SUZ12: variants seen among roughly 807,000 people sequenced by gnomAD.
SUZ12 encodes SUZ12 polycomb repressive complex 2 subunit.
In SUZ12, 17 loss-of-function variants were observed where a neutral mutation model predicts 87.3. The ratio of observed to expected loss-of-function variants is 0.19; its 90% CI spans 0.13 to 0.29. The LOEUF is 0.29. Ranked by LOEUF, SUZ12 falls within the 10% of genes least tolerant of loss-of-function variation. SUZ12 has a pLI of 1.00. For synonymous variants in SUZ12, 253 were observed against 312.4 expected, an observed-to-expected ratio of 0.81 and a Z score of 2.01; for missense variants, 526 against 912.2, an observed-to-expected ratio of 0.58 and a Z score of 5.45.
At chr17:31,942,764 G>A (rs1447512172) in intron 3 of SUZ12, among the ~76,000 whole-genome samples, 1 of 152,142 alleles carries the variant, frequency 6.6e-6, no homozygotes, top group African/African-American at 2.4e-5. Context: ...GCTTATTTTT[G>A]CTGTGTAACA....
chr17:31,973,951 T>G (rs894960431), intron 6 of SUZ12, among the ~76,000 whole-genome samples: 1 of 152,076 alleles, frequency 6.6e-6, no homozygotes, highest in Non-Finnish European at 1.5e-5. Context: ...AAAGGCCGGT[T>G]GCCGTAGCTC....
intron 7 of SUZ12, among the ~76,000 whole-genome samples, chr17:31,976,043 G>T (rs1464086189): frequency 1.3e-5 from 2 of 152,070 alleles, no homozygotes; most frequent in Admixed American, 1.3e-4. Flanking sequence ...CATAGGTGCT[G>T]GGGATGATTT....
Position 31,937,125 on chromosome 17 carries a change from C to T in SUZ12, c.-122C>T. 1 of 849,896 alleles carries T rather than the reference C, an allele frequency of 1.2e-6. No homozygotes were observed. The highest frequency in any genetic ancestry group is 1.6e-6 in the Non-Finnish European group (1 of 610,660). The allele number at this position is 849,896 out of a possible 1,614,324, so 52.6% of individuals were successfully genotyped here. On this transcript the variant is annotated 5_prime_UTR_variant, in exon 1 of 16. Transcript: ENST00000322652. Reference sequence around the variant, plus strand: ...CTCCCTTCCCTTCCCCTCTCCTCCCCTCTCTCCTCCTTCCCCCCTCGGTCC... The same window carrying T: ...CTCCCTTCCCTTCCCCTCTCCTCCCTTCTCTCCTCCTTCCCCCCTCGGTCC...
At chr17:31,990,904 C>T (rs967829002) in intron 10 of SUZ12, among the ~76,000 whole-genome samples, 1 of 152,050 alleles carries the variant, frequency 6.6e-6, no homozygotes, top group Non-Finnish European at 1.5e-5. Flanking sequence ...CGTGCCACCA[C>T]GCCCTGTTAA....
At chr17:31,984,050 A>T (rs1456198539) in intron 9 of SUZ12, among the ~76,000 whole-genome samples, 1 of 152,226 alleles carries the variant, frequency 6.6e-6, no homozygotes, top group Non-Finnish European at 1.5e-5. Context: ...ATCTAGAAGG[A>T]TAAGTATTTA....
chr17:31,947,718 A>G, intron 4 of SUZ12, 33 bp downstream of exon 4: 1 of 1,581,904 alleles, frequency 6.3e-7, no homozygotes, highest in South Asian at 1.1e-5. Context: ...ATTAAGTGAT[A>G]TACTTTAGGA....
chr17:31,994,550 C>A lies in SUZ12; in HGVS notation c.1438-14C>A. The A allele has an allele frequency of 6.4e-7, 1 of 1,553,976 alleles. No homozygotes were observed. Among genetic ancestry groups the A allele is most frequent in the East Asian group, 2.3e-5 (1 of 43,456 alleles). On this transcript the variant is annotated splice_polypyrimidine_tract_variant and intron_variant, in intron 12 of 15. Transcript: ENST00000322652. ...GATACTTAATATATTTTTTTTTTTA[C>A]ATTTTTGTTGCAGTATCATCCAAAA... is the stretch of plus-strand genomic sequence containing the variant.
At chr17:31,949,670 C>A (rs1567814686) in intron 4 of SUZ12, among the ~76,000 whole-genome samples, 2 of 79,640 alleles carry the variant, frequency 2.5e-5, no homozygotes, top group African/African-American at 1.0e-4. Context: ...GCCCCCCCCC[C>A]CCCCCCTTTT....
chr17:31,953,450 G>A (rs1381763035), intron 4 of SUZ12, among the ~76,000 whole-genome samples: 2 of 152,006 alleles, frequency 1.3e-5, no homozygotes, highest in South Asian at 2.1e-4. Flanking sequence ...CTTTGTCACC[G>A]AGGCTGGAGT....
chr17:31,992,398 T>C (rs1266247907), intron 10 of SUZ12, among the ~76,000 whole-genome samples: 1 of 151,928 alleles, frequency 6.6e-6, no homozygotes, highest in Non-Finnish European at 1.5e-5. Flanking sequence ...TAGGAGGTGG[T>C]TTTTTGTTTT....
chr17:31,952,260 A>G (rs1202014483), intron 4 of SUZ12, among the ~76,000 whole-genome samples: 2 of 151,804 alleles, frequency 1.3e-5, no homozygotes, highest in African/African-American at 2.4e-5. Flanking sequence ...GGATCTTGCT[A>G]TGTTGCCCAG....
intron 4 of SUZ12, among the ~76,000 whole-genome samples, chr17:31,951,758 G>C (rs1906996161): frequency 6.8e-6 from 1 of 146,468 alleles, no homozygotes; most frequent in African/African-American, 2.6e-5. Context: ...TTACAGGTGT[G>C]AGCCACCGCG....
At chr17:31,959,190 C>CT (rs1907552021) in intron 4 of SUZ12, among the ~76,000 whole-genome samples, 2 of 151,950 alleles carry the variant, frequency 1.3e-5, no homozygotes, top group South Asian at 4.2e-4. Flanking sequence ...AGTTTTTGTT[C>CT]TTTTTTCAGA....
At position 31,937,208 on chromosome 17, in the gene SUZ12, C is replaced by T; in HGVS notation, c.-39C>T. 1 of 1,396,446 alleles carries T rather than the reference C, an allele frequency of 7.2e-7. No individual in the cohort carries two copies. The highest frequency in any genetic ancestry group is 9.2e-7 in the Non-Finnish European group (1 of 1,086,000). 86.5% of individuals were successfully genotyped at this position (1,396,446 alleles called of 1,614,324 possible). A position where few individuals can be genotyped will look rare whatever the true frequency, so the allele number is the denominator to read the frequency against. On this transcript the variant is annotated 5_prime_UTR_variant, in exon 1 of 16. Transcript: ENST00000322652. ...GCAGGCGCTTGCTCTCCGGGGCCGC[C>T]CGGCGGGTAGCTGGCGGGGGGAGGA...
intron 5 of SUZ12, among the ~76,000 whole-genome samples, chr17:31,972,347 A>G (rs962023159): frequency 2.3e-4 from 32 of 137,060 alleles, no homozygotes; most frequent in African/African-American, 3.4e-4. Context: ...ATATATGTGT[A>G]TATATATATA....
Position 31,959,018 on chromosome 17 carries a change from A to AAAAT in SUZ12, c.456-7113_456-7110dup, listed in dbSNP as rs1000089657. 3.9e-5 allele frequency among the ~76,000 whole-genome samples: 6 copies of AAAAT among 152,292 alleles called. No homozygotes were observed. The East Asian group carries it at 7.7e-4, about 20-fold the overall frequency. ...GGGTGACAGAGGGAGACTCCGTCTCAAAATAAATAAATAAATAAAATCTGT... is the reference window on the plus strand; with the variant it reads ...GGGTGACAGAGGGAGACTCCGTCTCAAAATAAATAAATAAATAAATAAAATCTGT... On this transcript the variant is annotated intron_variant, in intron 4 of 15. Coordinates refer to ENST00000322652, the MANE Select transcript of SUZ12 (RefSeq NM_015355.4).
intron 4 of SUZ12, among the ~76,000 whole-genome samples, chr17:31,952,059 C>G (rs937744270): frequency 4.4e-4 from 67 of 151,960 alleles, no homozygotes; most frequent in Admixed American, 1.5e-3. Flanking sequence ...ACAGGCTGAG[C>G]CACTGCGCCC....
At position 31,975,699 on chromosome 17, in the gene SUZ12, C is replaced by G; in HGVS notation, c.809C>G (p.Thr270Ser). ...TTTAATGGAATGATTAATGGAGAAACCAATGAAAATATTGGTAATTTTTTT... is the reference window on the plus strand; with the variant it reads ...TTTAATGGAATGATTAATGGAGAAAGCAATGAAAATATTGGTAATTTTTTT... ...REFNGMINGE[T>S]NENIDVNEEL... Residue 270 changes from threonine (T) to serine (S), a missense_variant, in exon 7 of 16, where the codon ACC becomes AGC. Around this residue, in one of 9 missense-constraint regions of SUZ12, gnomAD observed 73 missense variants for 133.8 expected, o/e 0.55. Transcript: ENST00000322652. The G allele has an allele frequency of 6.2e-7, 1 of 1,601,210 alleles. No individual in the cohort carries two copies. Among genetic ancestry groups the G allele is most frequent in the Non-Finnish European group, 8.5e-7 (1 of 1,175,936 alleles).
intron 8 of SUZ12, among the ~76,000 whole-genome samples, chr17:31,982,629 A>G (rs1909180540): frequency 6.6e-6 from 1 of 152,200 alleles, no homozygotes; most frequent in East Asian, 1.9e-4. Context: ...ACTGCCCTCC[A>G]GCCTGGGTTG....
Sources: gnomAD v4.1 joint callset for allele counts (sites outside exome capture counted in the v4.1 genomes callset) on GRCh38, gnomAD v4.1.1 for gene constraint, gnomAD v4.1.1 regional missense constraint, MANE v1.5 for transcripts, NCBI Gene and HGNC (gene_info 2026-07-23, HGNC 2026-07-21) for gene names.